The following AMBRA1 variants were observed in gnomAD, a reference collection of about 807,000 sequenced individuals.
AMBRA1 encodes the protein autophagy and beclin 1 regulator 1, also known as activating molecule in BECN1-regulated autophagy protein 1.
Under a neutral mutation model 125.4 loss-of-function variants are expected in AMBRA1, and 47 were observed. The ratio of observed to expected loss-of-function variants is 0.37; its 90% CI spans 0.30 to 0.48. The LOEUF is 0.48. Among genes scored for constraint, AMBRA1 ranks in the 20% least tolerant of loss-of-function variants. The probability of loss-of-function intolerance (pLI) is 0.99; values close to 1 mark genes in which losing one functional copy is unlikely to be tolerated. For synonymous variants in AMBRA1, 626 were observed against 655.5 expected, an observed-to-expected ratio of 0.95 and a Z score of 0.69; for missense variants, 1,331 against 1,693.4, an observed-to-expected ratio of 0.79 and a Z score of 3.76.
intron 7 of AMBRA1, among the ~76,000 whole-genome samples, chr11:46,540,047 G>C (rs916750259): frequency 6.6e-6 from 1 of 152,146 alleles, no homozygotes; most frequent in Non-Finnish European, 1.5e-5. Context: ...GGCCAGGCTG[G>C]TCTCGAACTC....
At chr11:46,496,434 G>A (rs921261677) in intron 9 of AMBRA1, among the ~76,000 whole-genome samples, 3 of 152,020 alleles carry the variant, frequency 2.0e-5, no homozygotes, top group Non-Finnish European at 2.9e-5. Flanking sequence ...AAGCATCATG[G>A]GTCAAATCTA....
intron 5 of AMBRA1, among the ~76,000 whole-genome samples, chr11:46,545,141 C>T: frequency 1.2e-5 from 1 of 80,840 alleles, no homozygotes; most frequent in South Asian, 5.5e-4. Context: ...ACCCTGTCTC[C>T]TTAAAAAAAA....
intron 11 of AMBRA1, among the ~76,000 whole-genome samples, chr11:46,459,743 C>CAT (rs1214822435): frequency 8.1e-6 from 1 of 124,148 alleles, no homozygotes; most frequent in East Asian, 2.0e-4. Context: ...TACACATACA[C>CAT]ACACACACAC....
intron 15 of AMBRA1, 53 bp from the exon 16 acceptor site, chr11:46,410,421 A>C: frequency 2.7e-6 from 4 of 1,491,488 alleles, no homozygotes; most frequent in Non-Finnish European, 2.8e-6. Flanking sequence ...TTAGAGAGGG[A>C]AGGATAAGAG....
intron 1 of AMBRA1, among the ~76,000 whole-genome samples, chr11:46,590,152 C>G (rs2044544178): frequency 6.6e-6 from 1 of 151,590 alleles, no homozygotes; most frequent in Non-Finnish European, 1.5e-5. Flanking sequence ...GTGGGCAGAT[C>G]ACAAGGTCAG....
Position 46,577,722 on chromosome 11 carries a change from G to T in AMBRA1, c.-121+16106C>A, listed in dbSNP as rs139063793. 9.2e-3 allele frequency among the ~76,000 whole-genome samples: 1,398 copies of T among 152,112 alleles called. 21 individuals are homozygous for T. The highest frequency in any genetic ancestry group is 0.032 in the African/African-American group (1,343 of 41,506). ...TGCCAGCACTTTGGGAGGCCGAGGC[G>T]GGCAGATCACCTGAGGTCGGGAGTT... On this transcript the variant is annotated intron_variant, in intron 1 of 17. Transcript: ENST00000683756.
At chr11:46,425,895 C>G (rs550824062) in intron 14 of AMBRA1, among the ~76,000 whole-genome samples, 1 of 151,884 alleles carries the variant, frequency 6.6e-6, no homozygotes, top group African/African-American at 2.4e-5. Context: ...GCCTGTAATC[C>G]CAGCACTTTG....
chr11:46,460,603 G>C (rs574628309), intron 11 of AMBRA1, among the ~76,000 whole-genome samples: 106 of 152,200 alleles, frequency 7.0e-4, no homozygotes, highest in African/African-American at 2.4e-3. Flanking sequence ...CATTACAGGC[G>C]TGAGCCACCG....
chr11:46,428,980 G>A (rs994734571), intron 14 of AMBRA1: 6 of 1,612,248 alleles, frequency 3.7e-6, no homozygotes, highest in African/African-American at 2.7e-5. Flanking sequence ...GTTCCTTCAC[G>A]TAGCCTCGGG....
intron 7 of AMBRA1, among the ~76,000 whole-genome samples, chr11:46,541,303 C>T (rs889668118): frequency 6.6e-6 from 1 of 152,116 alleles, no homozygotes; most frequent in Non-Finnish European, 1.5e-5. Flanking sequence ...CTTCTCCACC[C>T]CAAGGTGAAA....
intron 1 of AMBRA1, among the ~76,000 whole-genome samples, chr11:46,577,458 G>A (rs1218151259): frequency 1.3e-5 from 2 of 152,086 alleles, no homozygotes; most frequent in Non-Finnish European, 2.9e-5. Context: ...AGGGGCTGGA[G>A]GAAGGGCAGA....
chr11:46,584,755 T>C (rs2044307202), intron 1 of AMBRA1, among the ~76,000 whole-genome samples: 1 of 152,046 alleles, frequency 6.6e-6, no homozygotes, highest in Non-Finnish European at 1.5e-5. Flanking sequence ...AATACAGGCA[T>C]GCACCACCAT....
At chr11:46,555,347 C>T (rs2043130993) in intron 1 of AMBRA1, among the ~76,000 whole-genome samples, 1 of 152,208 alleles carries the variant, frequency 6.6e-6, no homozygotes, top group Non-Finnish European at 1.5e-5. Context: ...AGGAATTTTA[C>T]TCCACCTTCT....
chr11:46,456,332 T>C (rs944629251), intron 11 of AMBRA1, among the ~76,000 whole-genome samples: 4 of 152,178 alleles, frequency 2.6e-5, no homozygotes, highest in African/African-American at 9.7e-5. Flanking sequence ...GTATTAAGAA[T>C]TACTCTACCT....
intron 1 of AMBRA1, among the ~76,000 whole-genome samples, chr11:46,582,417 G>C (rs2044207850): frequency 6.6e-6 from 1 of 151,926 alleles, no homozygotes; most frequent in Non-Finnish European, 1.5e-5. Flanking sequence ...CATAGGTTTG[G>C]CACACACTGC....
intron 11 of AMBRA1, chr11:46,490,975 A>C (rs1397580899): frequency 6.6e-6 from 1 of 152,212 alleles, no homozygotes; most frequent in Non-Finnish European, 1.5e-5. Context: ...TTCACTCTGA[A>C]AGCTATTATT....
intron 11 of AMBRA1, among the ~76,000 whole-genome samples, chr11:46,452,300 A>T (rs963273437): frequency 6.6e-6 from 1 of 152,074 alleles, no homozygotes; most frequent in Non-Finnish European, 1.5e-5. Flanking sequence ...CTAGTGTCTT[A>T]TGTACATTTT....
At chr11:46,524,240 A>AG (rs1367326265) in intron 7 of AMBRA1, among the ~76,000 whole-genome samples, 11 of 152,318 alleles carry the variant, frequency 7.2e-5, no homozygotes, top group Non-Finnish European at 1.5e-4. Context: ...GTGCTTTTCA[A>AG]GGGGAGTGGA....
intron 11 of AMBRA1, among the ~76,000 whole-genome samples, chr11:46,460,299 C>T (rs531375105): frequency 5.7e-4 from 86 of 151,588 alleles, no homozygotes; most frequent in African/African-American, 1.8e-3. Flanking sequence ...CATATGCATA[C>T]GACCCCATTT....
Sources: allele counts gnomAD v4.1 joint callset (sites outside exome capture counted in the v4.1 genomes callset), GRCh38; gene constraint gnomAD v4.1.1; transcripts MANE v1.5; gene names NCBI Gene and HGNC (gene_info 2026-07-23, HGNC 2026-07-21).